Variants in MVB12B observed in about 807,000 individuals in gnomAD.
MVB12B encodes the protein ESCRT-I complex subunit MVB12B.
Under a neutral mutation model 41.6 loss-of-function variants are expected in MVB12B, and 16 were observed. The ratio of observed to expected loss-of-function variants is 0.38; its 90% CI spans 0.26 to 0.58. The LOEUF (loss-of-function observed/expected upper bound fraction) is 0.58, where lower values mean the gene tolerates loss of function less well. MVB12B is among the 20% of genes least tolerant of loss of function. The probability of loss-of-function intolerance (pLI) is 0.62; values close to 1 mark genes in which losing one functional copy is unlikely to be tolerated. For synonymous variants in MVB12B, 133 were observed against 139.7 expected, an observed-to-expected ratio of 0.95 and a Z score of 0.34; for missense variants, 274 against 380.2, an observed-to-expected ratio of 0.72 and a Z score of 2.32.
chr9:126,499,501 T>C (rs192305075), intron 9 of MVB12B, among the ~76,000 whole-genome samples: 1 of 152,190 alleles, frequency 6.6e-6, no homozygotes, highest in Non-Finnish European at 1.5e-5. Context: ...GAGACTAATG[T>C]CTTGAGTAAA....
intron 6 of MVB12B, among the ~76,000 whole-genome samples, chr9:126,401,184 G>A (rs534924492): frequency 1.2e-4 from 19 of 152,212 alleles, no homozygotes; most frequent in African/African-American, 4.3e-4. Flanking sequence ...TTTCCCACCC[G>A]AAGTCACAGA....
rs1040496753 is a variant in MVB12B at position 126,377,936 on chromosome 9, C to T, written c.205-3128C>T. Among the ~76,000 whole-genome samples the T allele has an allele frequency of 2.5e-4, 38 of 152,224 alleles. 1 individual carries two copies. The highest frequency in any genetic ancestry group is 1.3e-4 in the Admixed American group (2 of 15,290). Reference sequence around the variant, plus strand: ...TCGCGCTGTCTTTGGAGTGCTCATGCACTAAGGCAGGCACTTTGCATGTTC... The same window carrying T: ...TCGCGCTGTCTTTGGAGTGCTCATGTACTAAGGCAGGCACTTTGCATGTTC... On this transcript the variant is annotated intron_variant, in intron 2 of 9. Transcript: ENST00000361171.
Position 126,392,371 on chromosome 9 carries a change from C to T in MVB12B, c.539+176C>T, listed in dbSNP as rs188239995. On this transcript the variant is annotated intron_variant, in intron 5 of 9. Transcript: ENST00000361171. The surrounding 1 kb of genome is among the most constrained non-coding windows in gnomAD (Gnocchi z 4.8). ...GCTCAGCTGCGGTCTCTCTGAGCCT[C>T]GGCTCGCACTGCTGACTCCACCTTA... Among the ~76,000 whole-genome samples the T allele has an allele frequency of 4.8e-3, 728 of 152,330 alleles. 18 individuals are homozygous for T. Among genetic ancestry groups the T allele is most frequent in the Admixed American group, 0.032 (483 of 15,310 alleles).
Position 126,340,008 on chromosome 9 carries a change from A to T in MVB12B, c.82-500A>T, listed in dbSNP as rs1829397209. On this transcript the variant is annotated intron_variant, in intron 1 of 9. Transcript: ENST00000361171. The surrounding 1 kb of genome is among the most constrained non-coding windows in gnomAD (Gnocchi z 4.0). ...CCATTCCTTCACCTGAGCCCAGAACACTTATTTCTGTGTTTGCAACATTCC... is the reference window on the plus strand; with the variant it reads ...CCATTCCTTCACCTGAGCCCAGAACTCTTATTTCTGTGTTTGCAACATTCC... Among the ~76,000 whole-genome samples, 1 of 152,064 alleles carries T rather than the reference A, an allele frequency of 6.6e-6. No homozygotes were observed. Among genetic ancestry groups the T allele is most frequent in the South Asian group, 2.1e-4 (1 of 4,822 alleles).
intron 7 of MVB12B, among the ~76,000 whole-genome samples, chr9:126,462,017 C>T (rs759128719): frequency 2.6e-5 from 4 of 152,212 alleles, no homozygotes; most frequent in Admixed American, 1.3e-4. Context: ...CCATCACTCA[C>T]GACTAGATAA....
chr9:126,496,771 G>A (rs1348131864), intron 9 of MVB12B, among the ~76,000 whole-genome samples: 2 of 152,148 alleles, frequency 1.3e-5, no homozygotes, highest in African/African-American at 2.4e-5. Context: ...CTGCATCAGG[G>A]TGGGGAGCTG....
chr9:126,418,952 C>T (rs906956528), intron 6 of MVB12B, among the ~76,000 whole-genome samples: 1 of 152,124 alleles, frequency 6.6e-6, no homozygotes, highest in African/African-American at 2.4e-5. Flanking sequence ...TTCGTGTCCC[C>T]CTGCCTGTCC....
At chr9:126,475,676 C>T (rs1009245921) in intron 7 of MVB12B, among the ~76,000 whole-genome samples, 1 of 152,126 alleles carries the variant, frequency 6.6e-6, no homozygotes, top group African/African-American at 2.4e-5. Context: ...CTGTGAGCTT[C>T]AGCCCATGGG....
intron 6 of MVB12B, among the ~76,000 whole-genome samples, chr9:126,411,424 G>A (rs571568031): frequency 1.3e-5 from 2 of 152,342 alleles, no homozygotes; most frequent in African/African-American, 4.8e-5. Context: ...AAAGTGCGCT[G>A]AGTCAGTCGC....
At chr9:126,416,231 C>G (rs1405700178) in intron 6 of MVB12B, among the ~76,000 whole-genome samples, 1 of 152,198 alleles carries the variant, frequency 6.6e-6, no homozygotes, top group Non-Finnish European at 1.5e-5. Context: ...AGGATTGAAG[C>G]TCGCGTACTT....
chr9:126,444,948 A>G (rs879772630), intron 7 of MVB12B, among the ~76,000 whole-genome samples: 1 of 152,178 alleles, frequency 6.6e-6, no homozygotes, highest in Non-Finnish European at 1.5e-5. Context: ...TGGGAGGGTC[A>G]CGCTTTTAAT....
chr9:126,420,818 TA>T (rs1831990384), intron 6 of MVB12B, among the ~76,000 whole-genome samples: 1 of 151,980 alleles, frequency 6.6e-6, no homozygotes, highest in African/African-American at 2.4e-5. Context: ...GCTGGGATTA[TA>T]AGCGTGAGCC....
At chr9:126,373,416 A>G (rs958021333) in intron 2 of MVB12B, among the ~76,000 whole-genome samples, 13 of 152,324 alleles carry the variant, frequency 8.5e-5, no homozygotes, top group African/African-American at 3.1e-4. Flanking sequence ...GTGTGTTTCC[A>G]CTGCTGATGA....
intron 2 of MVB12B, among the ~76,000 whole-genome samples, chr9:126,362,441 A>G (rs1021265002): frequency 6.6e-6 from 1 of 152,210 alleles, no homozygotes; most frequent in Non-Finnish European, 1.5e-5. Context: ...AGGAAAATTT[A>G]TTTGGGAAAA....
chr9:126,377,181 G>A (rs1830505065), intron 2 of MVB12B, among the ~76,000 whole-genome samples: 1 of 152,202 alleles, frequency 6.6e-6, no homozygotes, highest in South Asian at 2.1e-4. Flanking sequence ...CCACTGCCTG[G>A]CCCTAGGGCC....
Position 126,333,782 on chromosome 9 carries a change from A to G in MVB12B, c.82-6726A>G, listed in dbSNP as rs939914587. 1.3e-5 allele frequency among the ~76,000 whole-genome samples: 2 copies of G among 152,112 alleles called. No homozygotes were observed. Among genetic ancestry groups the G allele is most frequent in the African/African-American group, 4.8e-5 (2 of 41,414 alleles). On this transcript the variant is annotated intron_variant, in intron 1 of 9. Transcript: ENST00000361171. This position sits in a 1 kb window ranked among gnomAD's most constrained non-coding sequence, Gnocchi z 4.7. ...CTTGGGTGAACTGTCAAGAGGAAGG[A>G]GGGGGAGACTGGAGGGCTGATTCTG...
intron 6 of MVB12B, among the ~76,000 whole-genome samples, chr9:126,419,716 G>T (rs991093944): frequency 6.6e-6 from 1 of 152,076 alleles, no homozygotes; most frequent in African/African-American, 2.4e-5. Context: ...CCTCACCCTC[G>T]CAGGGTTCCC....
chr9:126,483,699 C>A (rs1324112674), intron 8 of MVB12B, among the ~76,000 whole-genome samples: 1 of 152,208 alleles, frequency 6.6e-6, no homozygotes, highest in Non-Finnish European at 1.5e-5. Flanking sequence ...AGACCTGGAT[C>A]CCCCTGGGTG....
At chr9:126,502,648 G>C (rs1401257242) in intron 9 of MVB12B, among the ~76,000 whole-genome samples, 1 of 152,184 alleles carries the variant, frequency 6.6e-6, no homozygotes, top group East Asian at 1.9e-4. Flanking sequence ...GATGGTGCCA[G>C]GGACAGCAGT....
Sources: allele counts gnomAD v4.1 joint callset (sites outside exome capture counted in the v4.1 genomes callset), GRCh38; gene constraint gnomAD v4.1.1; non-coding constraint Gnocchi (gnomAD v3.1); transcripts MANE v1.5; gene names NCBI Gene and HGNC (gene_info 2026-07-23, HGNC 2026-07-21).